Variants in PRH1 observed in about 807,000 individuals in gnomAD.
PRH1 encodes the protein salivary acidic proline-rich phosphoprotein 1/2.
Under a neutral mutation model 7.9 loss-of-function variants are expected in PRH1, and 7 were observed. The ratio of observed to expected loss-of-function variants is 0.89; its 90% CI spans 0.50 to 1.67. The LOEUF (loss-of-function observed/expected upper bound fraction) is 1.67. Ranked by LOEUF, PRH1 falls within the 40% of genes most tolerant of loss-of-function variation. The probability of loss-of-function intolerance (pLI) is 0.00; values close to 1 mark genes in which losing one functional copy is unlikely to be tolerated. For synonymous variants in PRH1, 45 were observed against 80.8 expected, an observed-to-expected ratio of 0.56 and a Z score of 2.38; for missense variants, 109 against 223.6, an observed-to-expected ratio of 0.49 and a Z score of 3.27.
chr12:11,070,644 T>A (rs138849363), intron 1 of PRH1, among the ~76,000 whole-genome samples: 22 of 152,310 alleles, frequency 1.4e-4, no homozygotes, highest in Non-Finnish European at 2.4e-4. Flanking sequence ...CTCAGTTGAA[T>A]TCCTTCCTCT....
intron 1 of PRH1, among the ~76,000 whole-genome samples, chr12:11,038,123 C>G (rs1942521037): frequency 6.6e-6 from 1 of 152,236 alleles, no homozygotes. Context: ...TCAGCAAAAA[C>G]TCTAATTACA....
intron 1 of PRH1, among the ~76,000 whole-genome samples, chr12:10,990,481 T>G (rs532277302): frequency 6.6e-6 from 1 of 152,200 alleles, no homozygotes; most frequent in Non-Finnish European, 1.5e-5. Flanking sequence ...TAGCATGGGA[T>G]AGCCAGGCAT....
chr12:10,997,875 T>G, intron 1 of PRH1: 3 of 1,569,570 alleles, frequency 1.9e-6, no homozygotes, highest in Non-Finnish European at 2.6e-6. Context: ...AAACTCATCA[T>G]GTCTAAACAA....
At chr12:10,945,630 C>T (rs1390318602) in intron 2 of PRH1, among the ~76,000 whole-genome samples, 6 of 152,120 alleles carry the variant, frequency 3.9e-5, no homozygotes, top group Non-Finnish European at 7.4e-5. Context: ...AATGAAGTTT[C>T]GGGCATGAAT....
upstream of PRH1, chr12:11,171,473 C>T: frequency 2.4e-6 from 3 of 1,232,374 alleles, no homozygotes; most frequent in South Asian, 4.1e-5. Flanking sequence ...TCGCCTTCTT[C>T]GAGCTGGCCT....
At chr12:10,973,370 T>C (rs1368988501) in intron 2 of PRH1, 3 of 277,124 alleles carry the variant, frequency 1.1e-5, no homozygotes, top group Non-Finnish European at 2.0e-5. Context: ...TTTGATAATA[T>C]AATTGTTTCT....
chr12:11,143,768 G>C (rs893827429), intron 1 of PRH1, among the ~76,000 whole-genome samples: 1 of 138,910 alleles, frequency 7.2e-6, no homozygotes, highest in African/African-American at 2.6e-5. Context: ...TCAACTCATC[G>C]AAAGGATATA....
intron 1 of PRH1, among the ~76,000 whole-genome samples, chr12:11,011,152 A>T (rs886789359): frequency 6.6e-6 from 1 of 152,112 alleles, no homozygotes; most frequent in Admixed American, 6.6e-5. Context: ...AGCACAAAAA[A>T]AGATTGGTAA....
At chr12:10,914,608 A>G (rs1233237302) in intron 2 of PRH1, among the ~76,000 whole-genome samples, 2 of 152,130 alleles carry the variant, frequency 1.3e-5, no homozygotes, top group African/African-American at 4.8e-5. Flanking sequence ...AGCTCTTGTT[A>G]TAAGTCGTAT....
At chr12:10,981,157 A>G (rs1436634787) in intron 1 of PRH1, among the ~76,000 whole-genome samples, 1 of 152,176 alleles carries the variant, frequency 6.6e-6, no homozygotes, top group Non-Finnish European at 1.5e-5. Flanking sequence ...ATGGACATTG[A>G]AAATGCACTG....
intron 1 of PRH1, among the ~76,000 whole-genome samples, chr12:11,087,583 C>G (rs1186968267): frequency 8.6e-6 from 1 of 116,520 alleles, no homozygotes; most frequent in African/African-American, 2.9e-5. Flanking sequence ...ATAGCAGGAC[C>G]AAAGGGAAGC....
chr12:11,123,110 C>T (rs184522689), intron 1 of PRH1, among the ~76,000 whole-genome samples: 5 of 152,336 alleles, frequency 3.3e-5, no homozygotes, highest in African/African-American at 7.2e-5. Context: ...TTCATGGCTT[C>T]CTGGACTCAA....
At chr12:10,967,106 C>T (rs954496905) in intron 2 of PRH1, among the ~76,000 whole-genome samples, 1 of 115,912 alleles carries the variant, frequency 8.6e-6, no homozygotes, top group Non-Finnish European at 1.8e-5. Flanking sequence ...CAGAGCAAGA[C>T]TCCGTCTCAA....
At chr12:11,041,239 C>A (rs1591871379) in intron 1 of PRH1, among the ~76,000 whole-genome samples, 1 of 107,418 alleles carries the variant, frequency 9.3e-6, no homozygotes, top group Non-Finnish European at 1.8e-5. Flanking sequence ...AAGACATGCA[C>A]AGAGAGAAAA....
intron 1 of PRH1, among the ~76,000 whole-genome samples, chr12:11,167,628 TAG>T (rs1435006202): frequency 6.6e-6 from 1 of 151,956 alleles, no homozygotes; most frequent in African/African-American, 2.4e-5. Context: ...GTATTTTTAG[TAG>T]AGAGACGGGG....
intron 1 of PRH1, among the ~76,000 whole-genome samples, chr12:11,069,987 A>C (rs745666609): frequency 6.6e-5 from 10 of 152,124 alleles, no homozygotes; most frequent in Admixed American, 2.0e-4. Context: ...ACACACATCC[A>C]TACCATCTGA....
At chr12:10,918,421 G>C (rs912867628) in intron 2 of PRH1, among the ~76,000 whole-genome samples, 2 of 150,890 alleles carry the variant, frequency 1.3e-5, no homozygotes, top group African/African-American at 4.9e-5. Context: ...GATCAAAAAT[G>C]CAAAAAAAAA....
chr12:11,090,468 A>C lies in PRH1; in HGVS notation n.124-43280T>G, dbSNP rs375026334. ...CATGAGATCTCAACTTCAAAAACAG[A>C]TTTTCTTTAATTCAAAAGCGGAAGA... On this transcript the variant is annotated intron_variant and non_coding_transcript_variant, in intron 1 of 4. Coordinates refer to the PRH1 transcript ENST00000541977. 1.1e-3 allele frequency among the ~76,000 whole-genome samples: 99 copies of C among 90,370 alleles called. 25 individuals are homozygous for C. Among genetic ancestry groups the C allele is most frequent in the African/African-American group, 2.6e-3 (76 of 29,480 alleles). 59.3% of individuals were successfully genotyped at this position (90,370 alleles called of 152,430 possible). A position where few individuals can be genotyped will look rare whatever the true frequency, so the allele number is the denominator to read the frequency against.
rs1945552597 is a variant in PRH1, at chr12:11,110,363, TAGTC to T, written n.123+61055_123+61058del. 2.6e-5 allele frequency among the ~76,000 whole-genome samples: 4 copies of T among 151,074 alleles called. No homozygotes were observed. In the South Asian group the frequency reaches 8.3e-4, roughly 31 times the overall value. On this transcript the variant is annotated intron_variant and non_coding_transcript_variant, in intron 1 of 4. Coordinates refer to the PRH1 transcript ENST00000541977. ...GAGAAGAGCACCCAAAAATACATAA[TAGTC>T]AGATTCACCAAGGTTGAAATGAAGG...
Sources: allele counts gnomAD v4.1 joint callset (sites outside exome capture counted in the v4.1 genomes callset), GRCh38; gene constraint gnomAD v4.1.1; transcripts MANE v1.5; gene names NCBI Gene and HGNC (gene_info 2026-07-23, HGNC 2026-07-21).